Variants in ADGRB3 observed in about 807,000 individuals in gnomAD.
The protein encoded by ADGRB3 is brain-specific angiogenesis inhibitor 3.
Under a neutral mutation model 193.4 loss-of-function variants are expected in ADGRB3, and 37 were observed. The ratio of observed to expected loss-of-function variants is 0.19; its 90% CI spans 0.15 to 0.25. The LOEUF is 0.25. ADGRB3 is among the 10% of genes least tolerant of loss of function. The pLI is 1.00. For missense variants in ADGRB3, 1,637 were observed against 1,852.9 expected (o/e 0.88, Z 2.14); for synonymous variants, 690 against 644.2 (o/e 1.07, Z -1.08).
intron 3 of ADGRB3, among the ~76,000 whole-genome samples, chr6:68,827,923 C>A (rs1403131581): frequency 6.6e-6 from 1 of 152,230 alleles, no homozygotes; most frequent in African/African-American, 2.4e-5. Context: ...CCATGGTTTC[C>A]TTCAGGCCTT....
intron 3 of ADGRB3, among the ~76,000 whole-genome samples, chr6:68,875,666 C>A (rs1357854464): frequency 6.6e-6 from 1 of 151,886 alleles, no homozygotes; most frequent in African/African-American, 2.4e-5. Context: ...GGTAACCAGG[C>A]CTTGTAGATC....
chr6:69,263,920 G>A (rs937981004), intron 20 of ADGRB3, among the ~76,000 whole-genome samples: 1 of 151,968 alleles, frequency 6.6e-6, no homozygotes, highest in African/African-American at 2.4e-5. Context: ...TTAACCCTCA[G>A]GTAAACTTCA....
chr6:69,219,460 C>CTTATATATATATATATAT, intron 17 of ADGRB3, among the ~76,000 whole-genome samples: 1 of 54,886 alleles, frequency 1.8e-5, no homozygotes, highest in African/African-American at 5.0e-5. Flanking sequence ...TACACACACA[C>CTTATATATATATATATAT]GTATATATAT....
intron 3 of ADGRB3, among the ~76,000 whole-genome samples, chr6:68,870,386 C>A (rs560620454): frequency 3.0e-4 from 46 of 152,286 alleles, no homozygotes; most frequent in African/African-American, 1.1e-3. Context: ...TCTTTATTAT[C>A]AGCATGTCTT....
chr6:68,868,501 C>A (rs117682879), intron 3 of ADGRB3, among the ~76,000 whole-genome samples: 6 of 152,198 alleles, frequency 3.9e-5, no homozygotes, highest in Non-Finnish European at 7.3e-5. Context: ...CTAGGAACCA[C>A]AAACCATTTT....
intron 17 of ADGRB3, among the ~76,000 whole-genome samples, chr6:69,100,940 A>G (rs74218057): frequency 4.6e-4 from 2 of 4,312 alleles, no homozygotes; most frequent in Non-Finnish European, 1.2e-3. Flanking sequence ...GAGGGAGGGA[A>G]GGAAGGAAAG....
Position 68,921,952 on chromosome 6 carries a change from G to T in ADGRB3, c.758-8607G>T, listed in dbSNP as rs981509300. 4.6e-5 allele frequency among the ~76,000 whole-genome samples: 7 copies of T among 152,024 alleles called. No individual in the cohort carries two copies. The South Asian group carries it at 1.2e-3, about 27-fold the overall frequency. ...AATGGTGCTTTAAAACAAATTTTGT[G>T]GAATAATAAAATGGATGAGATACGC... is the stretch of plus-strand genomic sequence containing the variant. On this transcript the variant is annotated intron_variant, in intron 3 of 31. Coordinates refer to ENST00000370598, the MANE Select transcript of ADGRB3 (RefSeq NM_001704.3).
At position 69,388,912 on chromosome 6, in the gene ADGRB3, G is replaced by A. The variant is rs1257921894; in HGVS notation, c.*21G>A. 8.1e-6 allele frequency: 13 copies of A among 1,601,354 alleles called. No individual in the cohort carries two copies. The highest frequency in any genetic ancestry group is 1.1e-5 in the Non-Finnish European group (13 of 1,174,162). ...TTTAAAAAAATCAAAATGGACTAAG[G>A]TAGAGACAAAACTTTATTGCACTGA... On this transcript the variant is annotated 3_prime_UTR_variant, in exon 32 of 32. Coordinates refer to ENST00000370598, the MANE Select transcript of ADGRB3 (RefSeq NM_001704.3).
At chr6:69,208,615 A>G (rs1765588440) in intron 17 of ADGRB3, among the ~76,000 whole-genome samples, 1 of 152,210 alleles carries the variant, frequency 6.6e-6, no homozygotes, top group South Asian at 2.1e-4. Context: ...GTGCAGAACC[A>G]TCTGTGAAGC....
At chr6:69,259,582 G>C (rs1208185107) in intron 20 of ADGRB3, among the ~76,000 whole-genome samples, 1 of 151,158 alleles carries the variant, frequency 6.6e-6, no homozygotes, top group African/African-American at 2.4e-5. Context: ...TGTAGTCCCA[G>C]CTACTCGGGA....
intron 17 of ADGRB3, among the ~76,000 whole-genome samples, chr6:69,217,784 A>T (rs1765798321): frequency 6.6e-6 from 1 of 152,218 alleles, no homozygotes; most frequent in South Asian, 2.1e-4. Context: ...CAGATTGAAG[A>T]GCCTTCTGTC....
At chr6:68,884,691 A>G (rs1186629853) in intron 3 of ADGRB3, among the ~76,000 whole-genome samples, 2 of 152,102 alleles carry the variant, frequency 1.3e-5, no homozygotes, top group Admixed American at 6.6e-5. Context: ...AGAGATAGAG[A>G]AAAACAGGTA....
At position 68,989,131 on chromosome 6, in the gene ADGRB3, T is replaced by C. The variant is rs140843868; in HGVS notation, c.1735-4637T>C. ...AAGTTTACAATAATTATAAATATCATGAAGCAAAACATTATGAAGAAGAAT... is the reference window on the plus strand; with the variant it reads ...AAGTTTACAATAATTATAAATATCACGAAGCAAAACATTATGAAGAAGAAT... On this transcript the variant is annotated intron_variant, in intron 10 of 31. Coordinates refer to ENST00000370598, the MANE Select transcript of ADGRB3 (RefSeq NM_001704.3). Among the ~76,000 whole-genome samples the C allele has an allele frequency of 3.6e-3, 544 of 152,126 alleles. 1 individual carries two copies. The highest frequency in any genetic ancestry group is 5.5e-3 in the Non-Finnish European group (375 of 68,002).
chr6:69,091,851 AATC>A (rs1274967781), intron 17 of ADGRB3, among the ~76,000 whole-genome samples: 3 of 152,222 alleles, frequency 2.0e-5, no homozygotes, highest in Non-Finnish European at 2.9e-5. Flanking sequence ...TTTAAATAAA[AATC>A]ATGTTAAATG....
At chr6:69,052,784 A>G (rs1288703053) in intron 15 of ADGRB3, among the ~76,000 whole-genome samples, 1 of 152,188 alleles carries the variant, frequency 6.6e-6, no homozygotes, top group Non-Finnish European at 1.5e-5. Context: ...AAGTAGGTTC[A>G]GATTGTTACT....
intron 3 of ADGRB3, among the ~76,000 whole-genome samples, chr6:68,831,919 TCA>T (rs1737402656): frequency 6.6e-6 from 1 of 152,146 alleles, no homozygotes; most frequent in Non-Finnish European, 1.5e-5. Flanking sequence ...CTCTTTTGAC[TCA>T]CACGACAATG....
intron 3 of ADGRB3, among the ~76,000 whole-genome samples, chr6:68,782,569 A>G (rs2127361767): frequency 6.6e-6 from 1 of 152,252 alleles, no homozygotes; most frequent in Non-Finnish European, 1.5e-5. Flanking sequence ...CAATGGTTGA[A>G]CTAGTTTACA....
chr6:69,373,075 C>T (rs927781384), intron 30 of ADGRB3, among the ~76,000 whole-genome samples: 1 of 151,868 alleles, frequency 6.6e-6, no homozygotes, highest in Non-Finnish European at 1.5e-5. Flanking sequence ...GAAATCATAC[C>T]ATCTGAGGAG....
intron 22 of ADGRB3, 55 bp downstream of exon 22, chr6:69,327,944 G>A: frequency 1.1e-5 from 16 of 1,495,768 alleles, no homozygotes; most frequent in Non-Finnish European, 1.4e-5. Context: ...TCATCAAAGA[G>A]TCTTGGTTGG....
Sources: gnomAD v4.1 joint callset for allele counts (sites outside exome capture counted in the v4.1 genomes callset) on GRCh38, gnomAD v4.1.1 for gene constraint, MANE v1.5 for transcripts, NCBI Gene and HGNC (gene_info 2026-07-23, HGNC 2026-07-21) for gene names.